ADK: variants seen among roughly 807,000 people sequenced by gnomAD.
ADK encodes the protein adenosine kinase.
Under a neutral mutation model 44.7 loss-of-function variants are expected in ADK, and 24 were observed. The ratio of observed to expected loss-of-function variants is 0.54; its 90% CI spans 0.39 to 0.76. ADK has a LOEUF of 0.76. Among genes scored for constraint, ADK ranks in the 30% least tolerant of loss-of-function variants. The probability of loss-of-function intolerance (pLI) is 0.00; values close to 1 mark genes in which losing one functional copy is unlikely to be tolerated. For synonymous variants in ADK, 128 were observed against 142.6 expected (o/e 0.90, Z 0.73); for missense variants, 321 against 425.1 (o/e 0.76, Z 2.15).
chr10:74,419,394 G>A (rs1037440575), intron 6 of ADK, among the ~76,000 whole-genome samples: 4 of 151,892 alleles, frequency 2.6e-5, no homozygotes, highest in African/African-American at 9.7e-5. Context: ...AGCATCAATC[G>A]GTCTTTCAGG....
At position 74,246,419 on chromosome 10, in the gene ADK, G is replaced by A. The variant is rs78284843; in HGVS notation, c.194+21828G>A. On this transcript the variant is annotated intron_variant, in intron 3 of 10. Coordinates refer to ENST00000539909, the MANE Select transcript of ADK (RefSeq NM_006721.4). ...CATAAAGTAGAGTGTGTGTTCTAAT[G>A]AGTTGAGCAGATGGTTGGTTTTATA... Among the ~76,000 whole-genome samples, 40 of 152,312 alleles carry A rather than the reference G, an allele frequency of 2.6e-4. No homozygotes were observed. The East Asian group carries it at 7.3e-3, about 28-fold the overall frequency.
intron 9 of ADK, among the ~76,000 whole-genome samples, chr10:74,661,940 TC>T (rs1200708091): frequency 6.6e-6 from 1 of 152,180 alleles, no homozygotes; most frequent in Non-Finnish European, 1.5e-5. Context: ...CCCCAGAGGA[TC>T]TAACAGAGTA....
At chr10:74,487,717 C>T (rs1159091508) in intron 6 of ADK, among the ~76,000 whole-genome samples, 3 of 151,884 alleles carry the variant, frequency 2.0e-5, no homozygotes, top group South Asian at 2.1e-4. Flanking sequence ...AGCTTTCCAT[C>T]GGAGCTTTTG....
At chr10:74,619,801 A>T (rs940594967) in intron 9 of ADK, among the ~76,000 whole-genome samples, 15 of 152,094 alleles carry the variant, frequency 9.9e-5, no homozygotes, top group Non-Finnish European at 1.9e-4. Context: ...GCTCACTGCA[A>T]CCCGTATCTT....
chr10:74,355,576 G>A (rs551365780), intron 4 of ADK, among the ~76,000 whole-genome samples: 266 of 152,282 alleles, frequency 1.7e-3, no homozygotes, highest in Non-Finnish European at 3.1e-3. Flanking sequence ...GATCATAAGA[G>A]TTGGGGAAGA....
chr10:74,468,084 AG>A (rs1391123345), intron 6 of ADK, among the ~76,000 whole-genome samples: 7 of 152,172 alleles, frequency 4.6e-5, no homozygotes, highest in African/African-American at 1.7e-4. Flanking sequence ...CTATTCAGTA[AG>A]GGTCCCAGGT....
chr10:74,428,385 A>T (rs1483379829), intron 6 of ADK, among the ~76,000 whole-genome samples: 1 of 152,236 alleles, frequency 6.6e-6, no homozygotes, highest in Admixed American at 6.5e-5. Flanking sequence ...AATGCTAAAA[A>T]GTAAGATAAG....
rs113090822 is a variant in ADK, at chr10:74,336,358, A to G, written c.273+21613A>G. On this transcript the variant is annotated intron_variant, in intron 4 of 10. Transcript: ENST00000539909. Reference sequence around the variant, plus strand: ...TTATGTGGTTGTATATCTATGTTCCATATTCTGTTTCATTGATCTATATGT... The same window carrying G: ...TTATGTGGTTGTATATCTATGTTCCGTATTCTGTTTCATTGATCTATATGT... Among the ~76,000 whole-genome samples the G allele has an allele frequency of 5.0e-3, 759 of 152,216 alleles. 11 individuals are homozygous for G. Among genetic ancestry groups the G allele is most frequent in the African/African-American group, 0.017 (707 of 41,536 alleles).
intron 7 of ADK, among the ~76,000 whole-genome samples, chr10:74,555,900 A>G (rs113400437): frequency 6.6e-6 from 1 of 152,064 alleles, no homozygotes; most frequent in African/African-American, 2.4e-5. Flanking sequence ...AGGCAGAGCA[A>G]TTTTCCTATT....
intron 1 of ADK, among the ~76,000 whole-genome samples, chr10:74,170,527 G>A (rs184922177): frequency 3.3e-5 from 5 of 152,000 alleles, no homozygotes; most frequent in East Asian, 3.9e-4. Context: ...GGCCGGGCAC[G>A]GTGGCTCACG....
intron 7 of ADK, among the ~76,000 whole-genome samples, chr10:74,576,383 ATATT>A (rs1851185595): frequency 6.6e-6 from 1 of 152,146 alleles, no homozygotes; most frequent in South Asian, 2.1e-4. Flanking sequence ...TAAAAGAAAA[ATATT>A]TAACCACAAA....
chr10:74,627,674 A>G (rs1302960086), intron 9 of ADK, among the ~76,000 whole-genome samples: 6 of 152,030 alleles, frequency 3.9e-5, no homozygotes, highest in Non-Finnish European at 2.9e-5. Context: ...TCTGTCACCC[A>G]GGCTGGAGTG....
At chr10:74,282,885 T>C (rs1024678312) in intron 3 of ADK, among the ~76,000 whole-genome samples, 15 of 152,326 alleles carry the variant, frequency 9.8e-5, no homozygotes, top group African/African-American at 3.6e-4. Context: ...GTGTAGAATG[T>C]ATTTTTCCTG....
chr10:74,362,369 A>AT (rs60747949), intron 4 of ADK, among the ~76,000 whole-genome samples: 23 of 148,492 alleles, frequency 1.5e-4, no homozygotes, highest in African/African-American at 4.2e-4. Context: ...CGCTTCATTA[A>AT]TTTTTTTTTT....
chr10:74,217,165 C>T lies in ADK; in HGVS notation c.141-7373C>T, dbSNP rs370932439. Among the ~76,000 whole-genome samples, 15 of 152,308 alleles carry T rather than the reference C, an allele frequency of 9.8e-5. No individual in the cohort carries two copies. The East Asian group carries it at 1.2e-3, about 12-fold the overall frequency. On this transcript the variant is annotated intron_variant, in intron 2 of 10. Transcript: ENST00000539909. Reference sequence around the variant, plus strand: ...CCTGGAAAATCGGGTCATTCCCACCCGAATACTGCACTTTTCCGACGGGCT... The same window carrying T: ...CCTGGAAAATCGGGTCATTCCCACCTGAATACTGCACTTTTCCGACGGGCT...
chr10:74,394,681 A>G (rs1399624983), intron 5 of ADK, among the ~76,000 whole-genome samples: 1 of 152,156 alleles, frequency 6.6e-6, no homozygotes, highest in Admixed American at 6.6e-5. Flanking sequence ...TGAGGTTGGA[A>G]TACGAGAGAG....
chr10:74,563,309 A>G (rs1850529873), intron 7 of ADK, among the ~76,000 whole-genome samples: 1 of 152,082 alleles, frequency 6.6e-6, no homozygotes, highest in African/African-American at 2.4e-5. Context: ...GCCTTGACCT[A>G]TTTTTACATC....
chr10:74,396,865 G>C (rs1476832525), intron 5 of ADK, among the ~76,000 whole-genome samples: 4 of 151,776 alleles, frequency 2.6e-5, no homozygotes, highest in African/African-American at 9.7e-5. Flanking sequence ...CTGAGGCAAG[G>C]AAATTGCTTG....
rs533686048 is a variant in ADK at position 74,286,089 on chromosome 10, G to C, written c.195-28578G>C. ...CTATTTAGAGACTGAATCTCACTAT[G>C]TTGCCCAGGCTAGAGTGCAGGAGCA... is the stretch of plus-strand genomic sequence containing the variant. On this transcript the variant is annotated intron_variant, in intron 3 of 10. Transcript: ENST00000539909. Among the ~76,000 whole-genome samples, 37 of 152,212 alleles carry C rather than the reference G, an allele frequency of 2.4e-4. No homozygotes were observed. In the South Asian group the frequency reaches 4.6e-3, roughly 19 times the overall value.
Sources: gnomAD v4.1 joint callset for allele counts (sites outside exome capture counted in the v4.1 genomes callset) on GRCh38, gnomAD v4.1.1 for gene constraint, MANE v1.5 for transcripts, NCBI Gene and HGNC (gene_info 2026-07-23, HGNC 2026-07-21) for gene names.